Variants in ZNRF1 observed in about 807,000 individuals in gnomAD.
ZNRF1 encodes zinc and ring finger 1.
In ZNRF1, 3 loss-of-function variants were observed where a neutral mutation model predicts 18.4. The observed-to-expected ratio is 0.16, with a 90% CI of 0.07 to 0.42. The LOEUF is 0.42. ZNRF1 is among the 10% of genes least tolerant of loss of function. The pLI is 0.99. For synonymous variants in ZNRF1, 157 were observed against 144.2 expected (o/e 1.09, Z -0.64); for missense variants, 310 against 329.8 (o/e 0.94, Z 0.47).
At chr16:75,074,435 C>T (rs1419083275) in intron 1 of ZNRF1, among the ~76,000 whole-genome samples, 1 of 152,152 alleles carries the variant, frequency 6.6e-6, no homozygotes, top group African/African-American at 2.4e-5. Flanking sequence ...GTATTTAAGC[C>T]TTTACTATCA....
intron 1 of ZNRF1, among the ~76,000 whole-genome samples, chr16:75,061,311 C>T (rs2035740992): frequency 6.6e-6 from 1 of 152,204 alleles, no homozygotes; most frequent in African/African-American, 2.4e-5. Context: ...CCCCAGTACC[C>T]TTCCCAACCT....
intron 2 of ZNRF1, chr16:75,095,815 C>G: frequency 3.6e-6 from 5 of 1,405,190 alleles, no homozygotes; most frequent in Non-Finnish European, 4.7e-6. Flanking sequence ...CCCCTGTCCC[C>G]CTCTGTATCA....
At chr16:75,079,106 G>A (rs1000951629) in intron 1 of ZNRF1, among the ~76,000 whole-genome samples, 2 of 152,194 alleles carry the variant, frequency 1.3e-5, no homozygotes, top group African/African-American at 4.8e-5. Flanking sequence ...CATGCCTTGA[G>A]TAGAAGTCAT....
intron 1 of ZNRF1, among the ~76,000 whole-genome samples, chr16:75,045,280 A>T (rs1467470607): frequency 6.6e-6 from 1 of 152,188 alleles, no homozygotes; most frequent in Non-Finnish European, 1.5e-5. Flanking sequence ...AAAATTAAAT[A>T]CATGAACTCT....
intron 1 of ZNRF1, among the ~76,000 whole-genome samples, chr16:75,033,717 G>A (rs374585576): frequency 3.3e-5 from 5 of 152,110 alleles, no homozygotes; most frequent in East Asian, 1.9e-4. Flanking sequence ...GATTACAGGC[G>A]TCAGCTATTG....
intron 1 of ZNRF1, among the ~76,000 whole-genome samples, chr16:75,045,589 A>C (rs1163422847): frequency 6.6e-6 from 1 of 152,082 alleles, no homozygotes; most frequent in African/African-American, 2.4e-5. Context: ...GTTTTTTAAG[A>C]GACAGGGTCT....
intron 1 of ZNRF1, among the ~76,000 whole-genome samples, chr16:75,020,186 T>C (rs1421877172): frequency 6.6e-6 from 1 of 152,216 alleles, no homozygotes; most frequent in Non-Finnish European, 1.5e-5. Context: ...AACAGTACTT[T>C]TTCTCATGGT....
At chr16:75,024,424 G>C (rs2035194762) in intron 1 of ZNRF1, among the ~76,000 whole-genome samples, 1 of 152,186 alleles carries the variant, frequency 6.6e-6, no homozygotes, top group Admixed American at 6.5e-5. Flanking sequence ...CCTAGTAAAA[G>C]TTCAGTAAAT....
At chr16:75,000,183 G>A in intron 1 of ZNRF1, 88 bp downstream of exon 1, 1 of 1,507,658 alleles carries the variant, frequency 6.6e-7, no homozygotes, top group Non-Finnish European at 9.0e-7. Context: ...TGGGAATGTA[G>A]TGCACGACCG....
At chr16:75,035,949 G>A (rs562732506) in intron 1 of ZNRF1, among the ~76,000 whole-genome samples, 1 of 152,322 alleles carries the variant, frequency 6.6e-6, no homozygotes, top group Admixed American at 6.5e-5. Flanking sequence ...GGGATCACCA[G>A]TTTCAGCTTT....
rs57122648 is a variant in ZNRF1 at position 75,040,042 on chromosome 16, C to CTTTTTTTTTTTTTTTTTTTTTTTT, written c.424+39950_424+39973dup. Among the ~76,000 whole-genome samples, 9 of 78,890 alleles carry CTTTTTTTTTTTTTTTTTTTTTTTT rather than the reference C, an allele frequency of 1.1e-4. 1 individual carries two copies. The highest frequency in any genetic ancestry group is 4.4e-4 in the African/African-American group (8 of 18,124). The allele number at this position is 78,890 out of a possible 152,430, so 51.8% of individuals were successfully genotyped here. A position where few individuals can be genotyped will look rare whatever the true frequency, so the allele number is the denominator to read the frequency against. ...AATCTTTTGTTTCTTTCTTTTCTTTCTTTTTTTTTTTTTTTTTTTTTTTTT... is the reference window on the plus strand; with the variant it reads ...AATCTTTTGTTTCTTTCTTTTCTTTCTTTTTTTTTTTTTTTTTTTTTTTTTTTTTTTTTTTTTTTTTTTTTTTTT... On this transcript the variant is annotated intron_variant, in intron 1 of 4. Transcript: ENST00000335325.
At chr16:75,030,570 CAA>C (rs1391855893) in intron 1 of ZNRF1, among the ~76,000 whole-genome samples, 2 of 152,092 alleles carry the variant, frequency 1.3e-5, no homozygotes, top group East Asian at 1.9e-4. Context: ...ACAAGCAACA[CAA>C]GAGAAAAATA....
rs75377987 is a variant in ZNRF1, at chr16:75,044,850, G to A, written c.424+44755G>A. 6.8e-3 allele frequency among the ~76,000 whole-genome samples: 1,037 copies of A among 152,328 alleles called. 8 individuals are homozygous for A. The highest frequency in any genetic ancestry group is 0.024 in the African/African-American group (1,006 of 41,572). ...GTGAAGTAACATAATATGTTAAGCA[G>A]CTTATCTGTTATTTAATATAATTCC... On this transcript the variant is annotated intron_variant, in intron 1 of 4. Transcript: ENST00000335325.
Position 74,999,975 on chromosome 16 carries a change from G to A in ZNRF1, c.304G>A (p.Gly102Ser), listed in dbSNP as rs1180267581. Residue 102 changes from glycine (G) to serine (S), a missense_variant, in exon 1 of 5, where the codon GGT becomes AGT. Gly to Ser is a moderately conservative substitution (Grantham distance 56). This residue lies in a region of ZNRF1 where 293 missense variants were observed against 291.2 expected (regional missense o/e 1.01). Coordinates refer to ENST00000335325, the MANE Select transcript of ZNRF1 (RefSeq NM_032268.5). ...CGACTCCACCTATGCCCATGGCAAT[G>A]GTTACCAGGAGACGGGCGGCGGTCA... ...ASDSTYAHGN[G>S]YQETGGGHHR... 3.2e-6 allele frequency: 5 copies of A among 1,583,974 alleles called. No individual in the cohort carries two copies. Among genetic ancestry groups the A allele is most frequent in the Non-Finnish European group, 4.3e-6 (5 of 1,166,078 alleles).
intron 1 of ZNRF1, among the ~76,000 whole-genome samples, chr16:75,036,664 A>G (rs562491924): frequency 1.3e-5 from 2 of 151,890 alleles, no homozygotes; most frequent in South Asian, 4.2e-4. Context: ...AAATGTAGAA[A>G]CAACTTCATT....
chr16:75,080,561 C>T (rs891854308), intron 1 of ZNRF1, among the ~76,000 whole-genome samples: 3 of 152,144 alleles, frequency 2.0e-5, no homozygotes, highest in African/African-American at 7.2e-5. Flanking sequence ...AACTATTGGT[C>T]CTGTATAGAT....
At chr16:75,063,376 A>G (rs1279301063) in intron 1 of ZNRF1, among the ~76,000 whole-genome samples, 2 of 152,040 alleles carry the variant, frequency 1.3e-5, no homozygotes, top group African/African-American at 4.8e-5. Flanking sequence ...ATTCCAGCCT[A>G]GATTTGGGGT....
intron 1 of ZNRF1, among the ~76,000 whole-genome samples, chr16:75,026,809 G>A (rs1423972100): frequency 6.6e-6 from 1 of 151,682 alleles, no homozygotes; most frequent in African/African-American, 2.4e-5. Context: ...GGTGGTGCGT[G>A]CCTTTAATCC....
At chr16:75,049,090 C>T (rs540967009) in intron 1 of ZNRF1, among the ~76,000 whole-genome samples, 5 of 151,922 alleles carry the variant, frequency 3.3e-5, no homozygotes, top group African/African-American at 4.8e-5. Flanking sequence ...CTGCAAACTC[C>T]GCCTCCAGAG....
Sources: allele counts gnomAD v4.1 joint callset (sites outside exome capture counted in the v4.1 genomes callset), GRCh38; gene constraint gnomAD v4.1.1; regional missense constraint gnomAD v4.1.1; transcripts MANE v1.5; gene names NCBI Gene and HGNC (gene_info 2026-07-23, HGNC 2026-07-21).